The following NCOR2 variants were observed in gnomAD, a reference collection of about 807,000 sequenced individuals.
NCOR2 encodes the protein CTG repeat protein 26.
In NCOR2, 81 loss-of-function variants were observed where a neutral mutation model predicts 262.9. The ratio of observed to expected loss-of-function variants is 0.31; its 90% CI spans 0.26 to 0.37. The LOEUF (loss-of-function observed/expected upper bound fraction) is 0.37. Among genes scored for constraint, NCOR2 ranks in the 10% least tolerant of loss-of-function variants. The pLI, the probability that NCOR2 is intolerant of heterozygous loss-of-function variation, is 1.00. For synonymous variants in NCOR2, 1,659 were observed against 1,559.3 expected (o/e 1.06, Z -1.51); for missense variants, 3,385 against 3,621.4 (o/e 0.93, Z 1.68).
chr12:124,372,279 C>T (rs1241596979), exon 20 of NCOR2: 1 of 1,560,306 alleles, frequency 6.4e-7, no homozygotes, highest in African/African-American at 1.4e-5. Context: ...CCACTGCCAG[C>T]TCCTCAGCCG....
At chr12:124,382,828 T>C (rs906406912) in intron 17 of NCOR2, among the ~76,000 whole-genome samples, 1 of 152,218 alleles carries the variant, frequency 6.6e-6, no homozygotes, top group Non-Finnish European at 1.5e-5. Flanking sequence ...GGCACCACCC[T>C]TTACAAAAAG....
Position 124,340,288 on chromosome 12 carries a change from C to T in NCOR2, c.5488+6G>A. ...GGAGCGGGGGGTGGGGGCTCTGATGCCCTACCAGGTCTCCAGATGGGTGCG... is the reference window on the plus strand; with the variant it reads ...GGAGCGGGGGGTGGGGGCTCTGATGTCCTACCAGGTCTCCAGATGGGTGCG... On this transcript the variant is annotated splice_donor_region_variant and intron_variant, in intron 36 of 46. Coordinates refer to ENST00000405201, the Ensembl canonical transcript of NCOR2. 1 of 1,610,020 alleles carries T rather than the reference C, an allele frequency of 6.2e-7. No homozygotes were observed. Among genetic ancestry groups the T allele is most frequent in the Non-Finnish European group, 8.5e-7 (1 of 1,179,380 alleles).
Position 124,326,373 on chromosome 12 carries a change from G to A in NCOR2, c.7184-3C>T, listed in dbSNP as rs1354717454. 2.0e-6 allele frequency: 3 copies of A among 1,487,482 alleles called. No homozygotes were observed. Among genetic ancestry groups the A allele is most frequent in the East Asian group, 5.1e-5 (2 of 39,462 alleles). The allele number at this position is 1,487,482 out of a possible 1,614,324, so 92.1% of individuals were successfully genotyped here. A position where few individuals can be genotyped will look rare whatever the true frequency, so the allele number is the denominator to read the frequency against. ...GACCTTGGCCTTCCCGCCGCCACCT[G>A]CAGGGGGACAAGATGGGAAGGGGCT... On this transcript the variant is annotated splice_region_variant and splice_polypyrimidine_tract_variant and intron_variant, in intron 45 of 46. Transcript: ENST00000405201.
In NCOR2 at chr12:124,481,797, G is replaced by T. The variant is rs531898654; in HGVS notation, c.411+1799C>A. 2.6e-5 allele frequency among the ~76,000 whole-genome samples: 4 copies of T among 152,108 alleles called. No individual in the cohort carries two copies. Among genetic ancestry groups the T allele is most frequent in the Non-Finnish European group, 5.9e-5 (4 of 67,998 alleles). The stretch of plus-strand genomic sequence containing the variant: ...GGAGCACAGGGGGGAACACACAGGG[G>T]GATGCAGTCGTCTGCCTTTATAAGA... On this transcript the variant is annotated intron_variant, in intron 3 of 46. Transcript: ENST00000405201. The surrounding 1 kb of genome is among the most constrained non-coding windows in gnomAD (Gnocchi z 4.6).
chr12:124,447,639 T>C (rs1473321299), intron 7 of NCOR2, among the ~76,000 whole-genome samples: 2 of 152,166 alleles, frequency 1.3e-5, no homozygotes, highest in Admixed American at 1.3e-4. Context: ...GAGCTTAAGA[T>C]AGTTATGTCA....
At chr12:124,399,395 G>C (rs1278846298) in intron 15 of NCOR2, among the ~76,000 whole-genome samples, 1 of 152,136 alleles carries the variant, frequency 6.6e-6, no homozygotes, top group East Asian at 1.9e-4. Context: ...TTGGGTCCGA[G>C]AGGACTATCC....
At chr12:124,394,626 C>A (rs2041534520) in intron 16 of NCOR2, among the ~76,000 whole-genome samples, 1 of 152,180 alleles carries the variant, frequency 6.6e-6, no homozygotes, top group South Asian at 2.1e-4. Flanking sequence ...AAAGGCAGAG[C>A]CTGGAGGGAT....
At chr12:124,489,557 C>T (rs958718986) in intron 1 of NCOR2, among the ~76,000 whole-genome samples, 1 of 152,224 alleles carries the variant, frequency 6.6e-6, no homozygotes, top group African/African-American at 2.4e-5. Flanking sequence ...GCAAACCTGA[C>T]TTGGGCAGAG....
chr12:124,483,627 C>T lies in NCOR2; in HGVS notation c.380G>A (p.Gly127Asp), dbSNP rs1244732336. Reference sequence around the variant, plus strand: ...GAGGTCTTCAGATCCCGCAGGCTGGCCCGTGGCCAGCAGGGGTGACGGTCG... The same window carrying T: ...GAGGTCTTCAGATCCCGCAGGCTGGTCCGTGGCCAGCAGGGGTGACGGTCG... The change falls in exon 3 of 47, where the codon GGC becomes GAC. Residue 127 changes from glycine to aspartate, a missense_variant. By Grantham distance (94) the Gly-to-Asp change is moderately conservative (BLOSUM62 -1). This residue lies in a region of NCOR2 where 237 missense variants were observed against 229.4 expected (regional missense o/e 1.03). Transcript: ENST00000405201. This position sits in a 1 kb window ranked among gnomAD's most constrained non-coding sequence, Gnocchi z 6.3. 1 of 1,608,318 alleles carries T rather than the reference C, an allele frequency of 6.2e-7. No individual in the cohort carries two copies. The highest frequency in any genetic ancestry group is 2.2e-5 in the East Asian group (1 of 44,654).
rs2052263959 is a variant in NCOR2 at position 124,566,994 on chromosome 12, C to G, written c.-165+314G>C. Among the ~76,000 whole-genome samples, 1 of 152,178 alleles carries G rather than the reference C, an allele frequency of 6.6e-6. No individual in the cohort carries two copies. Among genetic ancestry groups the G allele is most frequent in the African/African-American group, 2.4e-5 (1 of 41,456 alleles). ...CGCCTGGCGGCCAAGTCCCCAGAGC[C>G]GGCGCACACTGTGGGGGGCCGCTCT... On this transcript the variant is annotated intron_variant, in intron 1 of 32. Coordinates refer to the NCOR2 transcript ENST00000458234. The surrounding 1 kb of genome is among the most constrained non-coding windows in gnomAD (Gnocchi z 4.3).
rs551456799 is a variant in NCOR2 at position 124,483,432 on chromosome 12, C to G, written c.411+164G>C. 1.3e-5 allele frequency among the ~76,000 whole-genome samples: 2 copies of G among 152,276 alleles called. No homozygotes were observed. Among genetic ancestry groups the G allele is most frequent in the East Asian group, 3.9e-4 (2 of 5,162 alleles). On this transcript the variant is annotated intron_variant, in intron 3 of 46. Transcript: ENST00000405201. This position sits in a 1 kb window ranked among gnomAD's most constrained non-coding sequence, Gnocchi z 6.3. ...GCACCTCCAGAGACCCAGCGCCTGC[C>G]CTCTTCCTGCCACCCAGCTCTGTGC...
intron 17 of NCOR2, among the ~76,000 whole-genome samples, chr12:124,379,036 G>GGCAGCACT (rs139582690): frequency 1.3e-5 from 2 of 152,254 alleles, no homozygotes; most frequent in Admixed American, 6.5e-5. Flanking sequence ...GGAGCACAAG[G>GGCAGCACT]CAGGGGCTCC....
At chr12:124,431,031 A>C (rs1298629321) in intron 8 of NCOR2, among the ~76,000 whole-genome samples, 1 of 151,970 alleles carries the variant, frequency 6.6e-6, no homozygotes, top group Non-Finnish European at 1.5e-5. Flanking sequence ...GCACACACAA[A>C]TGCAGTCACA....
chr12:124,362,349 A>G (rs766871728), intron 21 of NCOR2, 52 bp from the exon 24 acceptor site: 3 of 1,306,532 alleles, frequency 2.3e-6, no homozygotes, highest in Non-Finnish European at 2.9e-6. Context: ...TGAAAGTGAC[A>G]GGGTCAGGGA....
chr12:124,487,873 T>TA (rs3040836), intron 1 of NCOR2, among the ~76,000 whole-genome samples: 4,720 of 137,600 alleles, frequency 0.034, 108 homozygotes, highest in African/African-American at 0.065. Context: ...AAACTGTGTT[T>TA]AAAAAAAAAA....
At chr12:124,527,237 C>T (rs1355092842) in intron 1 of NCOR2, among the ~76,000 whole-genome samples, 5 of 152,068 alleles carry the variant, frequency 3.3e-5, no homozygotes, top group African/African-American at 9.7e-5. Flanking sequence ...ACACACAGCA[C>T]GCCCTGTAGG....
intron 28 of NCOR2, 76 bp downstream of exon 30, chr12:124,350,511 C>G: frequency 6.5e-7 from 1 of 1,546,070 alleles, no homozygotes; most frequent in Non-Finnish European, 8.8e-7. Flanking sequence ...CCAGCCCTGC[C>G]TCCCTGTGAA....
chr12:124,382,724 T>C (rs1205980217), intron 17 of NCOR2, among the ~76,000 whole-genome samples: 1 of 152,242 alleles, frequency 6.6e-6, no homozygotes, highest in East Asian at 1.9e-4. Flanking sequence ...CAGCTGCCAT[T>C]GCTTCCCTGG....
intron 45 of NCOR2, 24 bp from the exon 48 acceptor site, chr12:124,326,394 G>C: frequency 2.0e-6 from 3 of 1,472,914 alleles, no homozygotes; most frequent in Non-Finnish European, 2.7e-6. Flanking sequence ...AGATGGGAAG[G>C]GGCTGCGTTG....
Sources: allele counts gnomAD v4.1 joint callset (sites outside exome capture counted in the v4.1 genomes callset), GRCh38; gene constraint gnomAD v4.1.1; regional missense constraint gnomAD v4.1.1; non-coding constraint Gnocchi (gnomAD v3.1); transcripts MANE v1.5; gene names NCBI Gene and HGNC (gene_info 2026-07-23, HGNC 2026-07-21).